The following HSD17B2 variants were observed in gnomAD, a reference collection of about 807,000 sequenced individuals.
The protein encoded by HSD17B2 is hydroxysteroid 17-beta dehydrogenase 2, also known as 17-beta-hydroxysteroid dehydrogenase type 2.
HSD17B2 carries 32 observed loss-of-function variants against 26.9 expected under a neutral mutation model. That is an observed-to-expected ratio of 1.19 (90% CI 0.90 to 1.60). HSD17B2 has a LOEUF of 1.60. Among genes scored for constraint, HSD17B2 ranks in the 40% most tolerant of loss-of-function variants. HSD17B2 has a pLI of 0.00. For missense variants in HSD17B2, 613 were observed against 468.6 expected, an observed-to-expected ratio of 1.31 and a Z score of -2.85; for synonymous variants, 246 against 186.7, an observed-to-expected ratio of 1.32 and a Z score of -2.59.
chr16:82,057,574 A>G (rs1385312983), intron 1 of HSD17B2, among the ~76,000 whole-genome samples: 1 of 152,220 alleles, frequency 6.6e-6, no homozygotes, highest in Non-Finnish European at 1.5e-5. Context: ...GGGAAAAAGC[A>G]ACTGTGCAGT....
In HSD17B2 at chr16:82,035,438, T is replaced by A. The variant is rs1394229160; in HGVS notation, c.14T>A (p.Phe5Tyr). MSTF[F>Y]SDTAWICLAV... ...AAGTCACTGAGAATGAGCACTTTCT[T>A]CTCGGACACAGCATGGATCTGCCTG... Residue 5 changes from phenylalanine to tyrosine, a missense_variant, in exon 1 of 5, where the codon TTC becomes TAC. By Grantham distance (22) the Phe-to-Tyr change is conservative. Transcript: ENST00000199936. 6 of 1,611,622 alleles carry A rather than the reference T, an allele frequency of 3.7e-6. No homozygotes were observed. The East Asian group carries it at 1.1e-4, about 30-fold the overall frequency.
At chr16:82,086,679 G>C (rs931760992) in intron 3 of HSD17B2, among the ~76,000 whole-genome samples, 1 of 152,214 alleles carries the variant, frequency 6.6e-6, no homozygotes, top group Non-Finnish European at 1.5e-5. Context: ...AGAGTGGAAA[G>C]AGTCCATAGT....
chr16:82,076,989 T>G (rs183193908), intron 3 of HSD17B2, among the ~76,000 whole-genome samples: 1 of 152,174 alleles, frequency 6.6e-6, no homozygotes, highest in African/African-American at 2.4e-5. Flanking sequence ...CAATGAAAAT[T>G]ATATAATATT....
chr16:82,082,272 G>A (rs530255321), intron 3 of HSD17B2, among the ~76,000 whole-genome samples: 1 of 152,172 alleles, frequency 6.6e-6, no homozygotes, highest in South Asian at 2.1e-4. Context: ...TCCAGCCTCA[G>A]TGAGAAGTTC....
At chr16:82,050,056 G>T (rs769281710) in intron 1 of HSD17B2, among the ~76,000 whole-genome samples, 1 of 152,214 alleles carries the variant, frequency 6.6e-6, no homozygotes, top group African/African-American at 2.4e-5. Flanking sequence ...GAGCGCCTCC[G>T]TCCCAGGTGA....
intron 1 of HSD17B2, among the ~76,000 whole-genome samples, chr16:82,055,647 G>A (rs1914243795): frequency 6.6e-6 from 1 of 152,222 alleles, no homozygotes; most frequent in Admixed American, 6.5e-5. Flanking sequence ...GCAAATGATA[G>A]AAGTTATTGA....
At chr16:82,072,573 T>C (rs1361402217) in intron 3 of HSD17B2, among the ~76,000 whole-genome samples, 7 of 152,212 alleles carry the variant, frequency 4.6e-5, no homozygotes, top group Non-Finnish European at 7.3e-5. Context: ...CTCTTTTTTT[T>C]CCTCTGTTCT....
chr16:82,047,304 G>T (rs754290720), intron 1 of HSD17B2, among the ~76,000 whole-genome samples: 6 of 152,198 alleles, frequency 3.9e-5, no homozygotes, highest in Non-Finnish European at 8.8e-5. Context: ...TGTTGTTAAA[G>T]AATGAAGTTT....
At chr16:82,048,003 T>C (rs1219237780) in intron 1 of HSD17B2, among the ~76,000 whole-genome samples, 1 of 152,256 alleles carries the variant, frequency 6.6e-6, no homozygotes, top group Non-Finnish European at 1.5e-5. Flanking sequence ...AAAAATATTA[T>C]ATCTTTTGTT....
intron 2 of HSD17B2, among the ~76,000 whole-genome samples, chr16:82,069,726 G>A (rs1032679926): frequency 3.9e-5 from 6 of 152,196 alleles, no homozygotes; most frequent in African/African-American, 7.2e-5. Context: ...AATTACCTAT[G>A]CTGGGGTCCA....
At chr16:82,042,011 T>TA (rs1913780367) in intron 1 of HSD17B2, among the ~76,000 whole-genome samples, 1 of 151,168 alleles carries the variant, frequency 6.6e-6, no homozygotes, top group East Asian at 1.9e-4. Flanking sequence ...TTTTTTTTTT[T>TA]AATTTTTTAT....
intron 1 of HSD17B2, among the ~76,000 whole-genome samples, chr16:82,049,373 C>G (rs8046533): frequency 0.079 from 11,982 of 152,248 alleles, 1,550 homozygotes; most frequent in African/African-American, 0.27. Flanking sequence ...GAGATACTTT[C>G]TCCTAGATGA....
chr16:82,061,946 G>T (rs1325805593), intron 1 of HSD17B2, among the ~76,000 whole-genome samples: 1 of 152,166 alleles, frequency 6.6e-6, no homozygotes, highest in African/African-American at 2.4e-5. Context: ...GTATTTACAG[G>T]GTGGATGCGT....
At chr16:82,067,231 A>T (rs1166795386) in intron 1 of HSD17B2, among the ~76,000 whole-genome samples, 1 of 152,216 alleles carries the variant, frequency 6.6e-6, no homozygotes, top group Non-Finnish European at 1.5e-5. Context: ...CCAACAAGAG[A>T]TCCCTGCAGG....
intron 3 of HSD17B2, among the ~76,000 whole-genome samples, chr16:82,076,398 C>G (rs1020611050): frequency 4.6e-5 from 7 of 151,738 alleles, no homozygotes; most frequent in African/African-American, 1.5e-4. Flanking sequence ...TGCAAGCAGA[C>G]AAAAGAAAGA....
intron 2 of HSD17B2, 47 bp from the exon 3 acceptor site, chr16:82,070,895 T>C: frequency 6.4e-7 from 1 of 1,552,842 alleles, no homozygotes; most frequent in South Asian, 1.2e-5. Context: ...GTTGTGTTAT[T>C]CACTTCCTCT....
Position 82,081,959 on chromosome 16 carries a change from G to C in HSD17B2, c.665-8943G>C, listed in dbSNP as rs111228159. The stretch of plus-strand genomic sequence containing the variant: ...TATCCTTTGCAGGGACACGGATGGA[G>C]CTGGAAGCCATTATCCTCAGCAACC... On this transcript the variant is annotated intron_variant, in intron 3 of 4. Coordinates refer to ENST00000199936, the MANE Select transcript of HSD17B2 (RefSeq NM_002153.3). 2.8e-3 allele frequency among the ~76,000 whole-genome samples: 431 copies of C among 152,294 alleles called. 1 individual carries two copies. Among genetic ancestry groups the C allele is most frequent in the African/African-American group, 0.01 (417 of 41,568 alleles).
At chr16:82,086,548 C>T (rs1260931929) in intron 3 of HSD17B2, among the ~76,000 whole-genome samples, 2 of 152,036 alleles carry the variant, frequency 1.3e-5, no homozygotes, top group Non-Finnish European at 2.9e-5. Context: ...GGAACACAGC[C>T]CAGGGAACAA....
At chr16:82,043,078 G>A (rs996662334) in intron 1 of HSD17B2, among the ~76,000 whole-genome samples, 23 of 152,224 alleles carry the variant, frequency 1.5e-4, no homozygotes, top group Non-Finnish European at 1.9e-4. Flanking sequence ...CATCATTTCT[G>A]TGGGTTACTT....
Sources: allele counts gnomAD v4.1 joint callset (sites outside exome capture counted in the v4.1 genomes callset), GRCh38; gene constraint gnomAD v4.1.1; transcripts MANE v1.5; gene names NCBI Gene and HGNC (gene_info 2026-07-23, HGNC 2026-07-21).